Variants in STK32C observed in about 807,000 individuals in gnomAD.
STK32C encodes the protein serine/threonine-protein kinase 32C.
A neutral mutation model predicts 56.5 loss-of-function variants in STK32C; 31 were observed. That is an observed-to-expected ratio of 0.55 (90% CI 0.41 to 0.74). The LOEUF (loss-of-function observed/expected upper bound fraction) is 0.74. Ranked by LOEUF, STK32C falls within the 30% of genes least tolerant of loss-of-function variation. The probability of loss-of-function intolerance (pLI) is 0.00; values close to 1 mark genes in which losing one functional copy is unlikely to be tolerated. For synonymous variants in STK32C, 309 were observed against 289.4 expected (o/e 1.07, Z -0.69); for missense variants, 544 against 676.9 (o/e 0.80, Z 2.18).
chr10:132,330,390 G>A (rs531730095), intron 1 of STK32C: 101 of 713,822 alleles, frequency 1.4e-4, no homozygotes, highest in Non-Finnish European at 2.2e-4. Flanking sequence ...CGCCACTCAC[G>A]GCAACACCCA....
At chr10:132,209,283 C>T (rs746833942) in intron 10 of STK32C, 182 bp from the exon 11 acceptor site, 7 of 709,462 alleles carry the variant, frequency 9.9e-6, no homozygotes, top group Admixed American at 2.0e-5. Flanking sequence ...CGCATCTCTG[C>T]GGGTGACTCA....
intron 1 of STK32C, among the ~76,000 whole-genome samples, chr10:132,303,340 C>T (rs1249753407): frequency 6.6e-6 from 1 of 152,234 alleles, no homozygotes; most frequent in East Asian, 1.9e-4. Flanking sequence ...AGTACAGATG[C>T]AGGTTTATGA....
chr10:132,308,557 C>G (rs1174225165), upstream of STK32C, among the ~76,000 whole-genome samples: 1 of 141,912 alleles, frequency 7.0e-6, no homozygotes, highest in East Asian at 2.5e-4. Context: ...TGAGTCCAAG[C>G]GCTGCGCCAG....
In STK32C at chr10:132,260,439, C is replaced by T. The variant is rs183698493; in HGVS notation, c.263-14484G>A. ...TCTGCCTCCACCAGCTCCTGTGTGCCAGGGAATGGGCTCCACCCCAAGCCC... is the reference window on the plus strand; with the variant it reads ...TCTGCCTCCACCAGCTCCTGTGTGCTAGGGAATGGGCTCCACCCCAAGCCC... On this transcript the variant is annotated intron_variant, in intron 1 of 11. Transcript: ENST00000298630. 4.4e-3 allele frequency among the ~76,000 whole-genome samples: 666 copies of T among 152,312 alleles called. 11 individuals are homozygous for T. Among genetic ancestry groups the T allele is most frequent in the African/African-American group, 0.015 (627 of 41,570 alleles).
At chr10:132,262,861 T>C (rs1207236608) in intron 1 of STK32C, among the ~76,000 whole-genome samples, 1 of 150,890 alleles carries the variant, frequency 6.6e-6, no homozygotes, top group African/African-American at 2.4e-5. Context: ...TCACTAATCA[T>C]CAGAGAAATG....
chr10:132,245,928 C>T lies in STK32C; in HGVS notation c.290G>A (p.Arg97Gln). The change falls in exon 2 of 12, where the codon CGG becomes CAG. Residue 97 changes from arginine (R) to glutamine (Q), a missense_variant. Physicochemically the swap from Arg to Gln is conservative, Grantham distance 43 (BLOSUM62 1). Coordinates refer to ENST00000298630, the MANE Select transcript of STK32C (RefSeq NM_173575.4). ...GCCAAAGCTGCCCTTCCCAATGGCCCGAAGGATCTGGAAGTGGTCGAAGTT... is the reference window on the plus strand; with the variant it reads ...GCCAAAGCTGCCCTTCCCAATGGCCTGAAGGATCTGGAAGTGGTCGAAGTT... ...DVNFDHFQIL[R>Q]AIGKGSFGKV... The T allele has an allele frequency of 1.2e-6, 2 of 1,613,572 alleles. No homozygotes were observed. The highest frequency in any genetic ancestry group is 1.7e-6 in the Non-Finnish European group (2 of 1,180,012).
At chr10:132,296,545 GTT>G (rs1227869598) in intron 1 of STK32C, among the ~76,000 whole-genome samples, 4 of 152,154 alleles carry the variant, frequency 2.6e-5, no homozygotes, top group African/African-American at 9.7e-5. Flanking sequence ...GATTTTGCAT[GTT>G]TTCCAGTACG....
upstream of STK32C, among the ~76,000 whole-genome samples, chr10:132,311,499 A>G (rs1471322069): frequency 6.6e-6 from 1 of 152,180 alleles, no homozygotes; most frequent in Non-Finnish European, 1.5e-5. The surrounding 1 kb of genome is among the most constrained non-coding windows in gnomAD (Gnocchi z 4.4). Context: ...ACGTGTGGGG[A>G]CACTTGGTTG....
At chr10:132,285,988 T>C (rs1279523003) in intron 1 of STK32C, among the ~76,000 whole-genome samples, 1 of 151,898 alleles carries the variant, frequency 6.6e-6, no homozygotes, top group South Asian at 2.1e-4. Context: ...CAGCCAGGCT[T>C]GGTGGCGGGC....
chr10:132,279,104 T>C (rs917154082), intron 1 of STK32C, among the ~76,000 whole-genome samples: 2 of 152,078 alleles, frequency 1.3e-5, no homozygotes, highest in African/African-American at 2.4e-5. Context: ...TTAGCAACAG[T>C]GATCAATAGT....
upstream of STK32C, chr10:132,331,888 C>G (rs368172958): frequency 2.8e-3 from 2,954 of 1,059,206 alleles, 13 homozygotes; most frequent in Non-Finnish European, 3.3e-3. Flanking sequence ...CGCACCACCC[C>G]CTGCCACCCC....
At chr10:132,228,256 G>A (rs983231292) in intron 2 of STK32C, 128 bp from the exon 3 acceptor site, 28 of 1,196,274 alleles carry the variant, frequency 2.3e-5, no homozygotes, top group Middle Eastern at 2.0e-4. Flanking sequence ...GGGACGCGCC[G>A]CAGCCCCTCT....
chr10:132,331,644 G>T (rs772081131), exon 1 of STK32C: 1 of 1,612,888 alleles, frequency 6.2e-7, no homozygotes, highest in South Asian at 1.1e-5. Flanking sequence ...CGCTCCAAAG[G>T]TGGTGCCTCA....
At chr10:132,331,529 C>T in exon 1 of STK32C, 2 of 1,612,966 alleles carry the variant, frequency 1.2e-6, no homozygotes, top group Non-Finnish European at 1.7e-6. Context: ...GCAGCAAGTC[C>T]TGAGGCAAGA....
chr10:132,249,580 G>A (rs1051200003), intron 1 of STK32C, among the ~76,000 whole-genome samples: 2 of 152,310 alleles, frequency 1.3e-5, no homozygotes, highest in South Asian at 2.1e-4. Flanking sequence ...GACCCCGCAA[G>A]GTGAGTCAGG....
At chr10:132,213,448 A>G (rs1031244689) in intron 10 of STK32C, among the ~76,000 whole-genome samples, 1 of 152,188 alleles carries the variant, frequency 6.6e-6, no homozygotes, top group Non-Finnish European at 1.5e-5. Context: ...GCCCAAGGGC[A>G]ACCCGGGAAA....
At chr10:132,259,413 A>G (rs4242718) in intron 1 of STK32C, among the ~76,000 whole-genome samples, 53,407 of 151,208 alleles carry the variant, frequency 0.35, 9,653 homozygotes, top group Admixed American at 0.46. Flanking sequence ...CGGGGCGGAG[A>G]TCCCCCTTGC....
intron 2 of STK32C, among the ~76,000 whole-genome samples, chr10:132,233,936 A>G (rs953741838): frequency 2.6e-5 from 4 of 152,256 alleles, no homozygotes; most frequent in Non-Finnish European, 5.9e-5. Flanking sequence ...TTGGAAGAGC[A>G]GATGGGCTGG....
intron 1 of STK32C, among the ~76,000 whole-genome samples, chr10:132,331,235 G>A (rs76805118): frequency 0.12 from 17,464 of 141,712 alleles, 1,220 homozygotes; most frequent in East Asian, 0.34. Flanking sequence ...GTGAAATCAT[G>A]GCAGACTCCA....
Sources: gnomAD v4.1 joint callset for allele counts (sites outside exome capture counted in the v4.1 genomes callset) on GRCh38, gnomAD v4.1.1 for gene constraint, Gnocchi (gnomAD v3.1) non-coding constraint, MANE v1.5 for transcripts, NCBI Gene and HGNC (gene_info 2026-07-23, HGNC 2026-07-21) for gene names.